TUSC3: variants seen among roughly 807,000 people sequenced by gnomAD.
The protein encoded by TUSC3 is dolichyl-diphosphooligosaccharide--protein glycosyltransferase subunit TUSC3.
Under a neutral mutation model 44.8 loss-of-function variants are expected in TUSC3, and 45 were observed. That is an observed-to-expected ratio of 1.00 (90% CI 0.79 to 1.29). TUSC3 has a LOEUF of 1.29. TUSC3 is among the 50% of genes most tolerant of loss of function. The pLI is 0.00. For synonymous variants in TUSC3, 212 were observed against 152.9 expected, an observed-to-expected ratio of 1.39 and a Z score of -2.85; for missense variants, 519 against 437.9, an observed-to-expected ratio of 1.19 and a Z score of -1.65.
chr8:15,701,923 A>G (rs1451660399), intron 6 of TUSC3, among the ~76,000 whole-genome samples: 2 of 152,174 alleles, frequency 1.3e-5, no homozygotes, highest in African/African-American at 4.8e-5. Flanking sequence ...TTACAGTCTT[A>G]TCCTTTGCCA....
chr8:15,494,729 G>C (rs1241613365), intron 2 of TUSC3, among the ~76,000 whole-genome samples: 1 of 152,188 alleles, frequency 6.6e-6, no homozygotes, highest in Non-Finnish European at 1.5e-5. Context: ...AGAATATCCA[G>C]ACAGAACGGA....
chr8:15,531,415 C>G (rs1215479868), intron 2 of TUSC3, among the ~76,000 whole-genome samples: 2 of 152,304 alleles, frequency 1.3e-5, no homozygotes, highest in African/African-American at 2.4e-5. Flanking sequence ...CAGTGCCTGG[C>G]TAATTTTTGT....
chr8:15,551,852 G>C (rs1802071580), intron 1 of TUSC3, among the ~76,000 whole-genome samples: 1 of 151,672 alleles, frequency 6.6e-6, no homozygotes, highest in South Asian at 2.1e-4. Flanking sequence ...AGTTACTTCT[G>C]TTGAGTTAGC....
the TUSC3 span, among the ~76,000 whole-genome samples, chr8:15,788,458 A>G: frequency 6.6e-6 from 1 of 151,382 alleles, no homozygotes; most frequent in Admixed American, 6.6e-5. Context: ...GAGGCAGGAG[A>G]ATCTCCTGAA....
chr8:15,424,543 C>A (rs956390023), intron 1 of TUSC3, among the ~76,000 whole-genome samples: 1 of 152,100 alleles, frequency 6.6e-6, no homozygotes. Context: ...CGCAGCAGAC[C>A]CAGAACTACC....
At chr8:15,427,082 T>TG (rs1416082792) in intron 1 of TUSC3, among the ~76,000 whole-genome samples, 1 of 148,928 alleles carries the variant, frequency 6.7e-6, no homozygotes, top group Non-Finnish European at 1.5e-5. Context: ...GGTGTTTGTT[T>TG]TTTTTTTGCC....
intron 2 of TUSC3, among the ~76,000 whole-genome samples, chr8:15,530,450 A>G (rs559086048): frequency 6.6e-6 from 1 of 152,308 alleles, no homozygotes; most frequent in Non-Finnish European, 1.5e-5. Context: ...CTTCGCATGT[A>G]TTCACTTGTT....
chr8:15,513,214 G>A (rs1465002942), intron 2 of TUSC3, among the ~76,000 whole-genome samples: 1 of 151,460 alleles, frequency 6.6e-6, no homozygotes, highest in Non-Finnish European at 1.5e-5. Context: ...TAACCAACTT[G>A]GTAGCTACAA....
intron 1 of TUSC3, among the ~76,000 whole-genome samples, chr8:15,554,134 A>G (rs1021656223): frequency 2.2e-5 from 3 of 134,152 alleles, no homozygotes; most frequent in African/African-American, 8.1e-5. Flanking sequence ...CCTTGGACCT[A>G]TGGATTTTTG....
intron 1 of TUSC3, among the ~76,000 whole-genome samples, chr8:15,584,948 T>C (rs1240905516): frequency 6.6e-6 from 1 of 152,186 alleles, no homozygotes; most frequent in Non-Finnish European, 1.5e-5. Context: ...ATAAAGACAT[T>C]GAACGATGAT....
intron 1 of TUSC3, among the ~76,000 whole-genome samples, chr8:15,446,870 A>G (rs958589526): frequency 6.7e-6 from 1 of 149,214 alleles, no homozygotes; most frequent in Admixed American, 6.8e-5. Context: ...AATGGAGATG[A>G]AAGTGAACAA....
At chr8:15,491,321 T>C (rs80052731) in intron 2 of TUSC3, among the ~76,000 whole-genome samples, 7,346 of 152,224 alleles carry the variant, frequency 0.048, 236 homozygotes, top group South Asian at 0.1. Flanking sequence ...GGAATTTCCC[T>C]GTGAGTAATA....
intron 1 of TUSC3, among the ~76,000 whole-genome samples, chr8:15,466,078 C>G (rs1239741292): frequency 6.6e-6 from 1 of 152,134 alleles, no homozygotes; most frequent in African/African-American, 2.4e-5. Flanking sequence ...GGGAACAATG[C>G]TTTATGTTAT....
At chr8:15,832,496 A>T in the TUSC3 span, among the ~76,000 whole-genome samples, 1 of 152,204 alleles carries the variant, frequency 6.6e-6, no homozygotes, top group Non-Finnish European at 1.5e-5. Flanking sequence ...GGCAAGCTGG[A>T]TAAAGAACTA....
chr8:15,597,630 A>T (rs1029544897), intron 1 of TUSC3, among the ~76,000 whole-genome samples: 1 of 152,120 alleles, frequency 6.6e-6, no homozygotes, highest in Non-Finnish European at 1.5e-5. Context: ...TGAGCATTGG[A>T]TATGTATAGT....
intron 6 of TUSC3, among the ~76,000 whole-genome samples, chr8:15,679,130 G>T (rs991937073): frequency 4.6e-5 from 7 of 152,164 alleles, no homozygotes; most frequent in Admixed American, 6.6e-5. Context: ...CCAGTAACGA[G>T]ATTGCTAGGT....
At chr8:15,418,149 G>GT (rs1309380071) in intron 1 of TUSC3, among the ~76,000 whole-genome samples, 3 of 152,172 alleles carry the variant, frequency 2.0e-5, no homozygotes, top group East Asian at 1.9e-4. Flanking sequence ...ATCAACAACA[G>GT]TCATTGAGCA....
At chr8:15,501,120 C>T (rs17121538) in intron 2 of TUSC3, among the ~76,000 whole-genome samples, 1,621 of 152,256 alleles carry the variant, frequency 0.011, 28 homozygotes, top group African/African-American at 0.037. Context: ...CATCTCCTTA[C>T]ATCACTTTTG....
intron 2 of TUSC3, among the ~76,000 whole-genome samples, chr8:15,491,141 A>G (rs926623295): frequency 1.3e-5 from 2 of 152,248 alleles, no homozygotes; most frequent in Admixed American, 6.5e-5. Flanking sequence ...AAGATAAAAT[A>G]AAGATAGGAT....
Sources: allele counts gnomAD v4.1 joint callset (sites outside exome capture counted in the v4.1 genomes callset), GRCh38; gene constraint gnomAD v4.1.1; transcripts MANE v1.5; gene names NCBI Gene and HGNC (gene_info 2026-07-23, HGNC 2026-07-21).